TMEM132D: variants seen among roughly 807,000 people sequenced by gnomAD.
TMEM132D encodes the protein mature OL transmembrane protein.
A neutral mutation model predicts 62.3 loss-of-function variants in TMEM132D; 21 were observed. That is an observed-to-expected ratio of 0.34 (90% CI 0.24 to 0.49). TMEM132D has a LOEUF of 0.49. Among genes scored for constraint, TMEM132D ranks in the 20% least tolerant of loss-of-function variants. TMEM132D has a pLI of 0.99. For missense variants in TMEM132D, 1,346 were observed against 1,402.8 expected, an observed-to-expected ratio of 0.96 and a Z score of 0.65; for synonymous variants, 621 against 575.6, an observed-to-expected ratio of 1.08 and a Z score of -1.13.
intron 4 of TMEM132D, among the ~76,000 whole-genome samples, chr12:129,272,798 C>T (rs981105427): frequency 4.6e-5 from 7 of 151,722 alleles, no homozygotes; most frequent in African/African-American, 9.7e-5. Context: ...CGGCGGCTCA[C>T]GCCTGTAATC....
At chr12:129,380,161 TAAC>T (rs772650293) in intron 3 of TMEM132D, among the ~76,000 whole-genome samples, 4 of 152,182 alleles carry the variant, frequency 2.6e-5, no homozygotes, top group Admixed American at 2.0e-4. Context: ...AATATGGTAA[TAAC>T]AACATCCATT....
At chr12:129,511,169 G>T (rs1875487030) in intron 3 of TMEM132D, among the ~76,000 whole-genome samples, 1 of 152,096 alleles carries the variant, frequency 6.6e-6, no homozygotes, top group Admixed American at 6.5e-5. Flanking sequence ...GTTCTTTTGT[G>T]CACCTGTGAA....
At chr12:129,784,292 G>C (rs1381044383) in intron 1 of TMEM132D, among the ~76,000 whole-genome samples, 1 of 152,178 alleles carries the variant, frequency 6.6e-6, no homozygotes, top group Non-Finnish European at 1.5e-5. Context: ...GGAATGTTAA[G>C]TGCAAACTTA....
At chr12:129,171,632 A>G (rs1198124486) in intron 5 of TMEM132D, among the ~76,000 whole-genome samples, 1 of 152,328 alleles carries the variant, frequency 6.6e-6, no homozygotes, top group South Asian at 2.1e-4. Context: ...TGCAGAGTGG[A>G]TGTTGTGTTG....
At chr12:129,191,967 A>C (rs183395965) in intron 5 of TMEM132D, among the ~76,000 whole-genome samples, 5 of 152,340 alleles carry the variant, frequency 3.3e-5, no homozygotes, top group African/African-American at 9.6e-5. Context: ...AATCAGTTAC[A>C]AACATTTTAA....
chr12:129,746,522 G>C (rs1419878392), intron 1 of TMEM132D, among the ~76,000 whole-genome samples: 1 of 152,126 alleles, frequency 6.6e-6, no homozygotes, highest in East Asian at 1.9e-4. Flanking sequence ...TGTCAGGCGT[G>C]GGGGTGGCCA....
At chr12:129,372,046 A>C (rs1262346216) in intron 3 of TMEM132D, among the ~76,000 whole-genome samples, 1 of 152,194 alleles carries the variant, frequency 6.6e-6, no homozygotes, top group Non-Finnish European at 1.5e-5. Flanking sequence ...CTGTGAAGAT[A>C]TTTCTGGAAG....
At chr12:129,168,968 G>GC (rs1442813424) in intron 5 of TMEM132D, among the ~76,000 whole-genome samples, 3 of 152,176 alleles carry the variant, frequency 2.0e-5, no homozygotes, top group African/African-American at 7.2e-5. Flanking sequence ...AGGGACTAGA[G>GC]CCCTAGCTCT....
At chr12:129,166,211 G>T in intron 5 of TMEM132D, among the ~76,000 whole-genome samples, 1 of 152,174 alleles carries the variant, frequency 6.6e-6, no homozygotes, top group East Asian at 1.9e-4. Flanking sequence ...CTATGTAAAT[G>T]GATGCACCCG....
intron 1 of TMEM132D, among the ~76,000 whole-genome samples, chr12:129,770,143 GT>G (rs71082754): frequency 1.6e-4 from 21 of 128,124 alleles, no homozygotes; most frequent in African/African-American, 3.0e-4. Context: ...TTTTTTGGTT[GT>G]TTTTTTTTTT....
intron 3 of TMEM132D, among the ~76,000 whole-genome samples, chr12:129,424,034 C>T (rs1454922085): frequency 6.6e-6 from 1 of 152,012 alleles, no homozygotes; most frequent in East Asian, 1.9e-4. Flanking sequence ...AGCAAAGAAG[C>T]CTTTATTGTC....
chr12:129,428,962 C>A (rs1294166907), intron 3 of TMEM132D, among the ~76,000 whole-genome samples: 1 of 152,196 alleles, frequency 6.6e-6, no homozygotes, highest in Non-Finnish European at 1.5e-5. Context: ...TTGCACTAAG[C>A]AGTTTATACT....
Position 129,730,569 on chromosome 12 carries a change from A to G in TMEM132D, c.80-29871T>C, listed in dbSNP as rs79091914. Among the ~76,000 whole-genome samples the G allele has an allele frequency of 7.1e-3, 1,084 of 152,256 alleles. 17 individuals carry two copies. The highest frequency in any genetic ancestry group is 0.024 in the African/African-American group (1,017 of 41,540). On this transcript the variant is annotated intron_variant, in intron 1 of 8. Coordinates refer to ENST00000422113, the MANE Select transcript of TMEM132D (RefSeq NM_133448.3). ...ACACACTGATTGCATATCTTGGTTAATAATGAGCGTCAACTTGATTGAACT... is the reference window on the plus strand; with the variant it reads ...ACACACTGATTGCATATCTTGGTTAGTAATGAGCGTCAACTTGATTGAACT...
In TMEM132D at chr12:129,356,926, A is replaced by AGAGGAGAGGGGAGGG. The variant is rs1555250244; in HGVS notation, c.1116-19124_1116-19110dup. 3.7e-3 allele frequency among the ~76,000 whole-genome samples: 332 copies of AGAGGAGAGGGGAGGG among 89,766 alleles called. 2 individuals carry two copies. The highest frequency in any genetic ancestry group is 0.014 in the African/African-American group (308 of 21,490). The allele number at this position is 89,766 out of a possible 152,430, so 58.9% of individuals were successfully genotyped here. On this transcript the variant is annotated intron_variant, in intron 3 of 8. Transcript: ENST00000422113. The stretch of plus-strand genomic sequence containing the variant: ...AAAGGAAAGGTAAGGAAAGGAGAGG[A>AGAGGAGAGGGGAGGG]GAGGAGAGGGGAGGGGAGGGGAGGG...
intron 3 of TMEM132D, among the ~76,000 whole-genome samples, chr12:129,529,685 A>G (rs1233834892): frequency 6.6e-6 from 1 of 152,174 alleles, no homozygotes; most frequent in Non-Finnish European, 1.5e-5. Flanking sequence ...AAGAATAAAC[A>G]CATCTATTCA....
chr12:129,407,455 T>G, intron 3 of TMEM132D, among the ~76,000 whole-genome samples: 1 of 152,180 alleles, frequency 6.6e-6, no homozygotes, highest in South Asian at 2.1e-4. Flanking sequence ...CGTTATTTAT[T>G]TTATCAGAAC....
At chr12:129,306,341 T>A (rs756251928) in intron 4 of TMEM132D, among the ~76,000 whole-genome samples, 4 of 152,218 alleles carry the variant, frequency 2.6e-5, no homozygotes, top group Non-Finnish European at 5.9e-5. Context: ...AGTAGATAAG[T>A]TGGATAGCTA....
chr12:129,479,546 A>C (rs757451215), intron 3 of TMEM132D, among the ~76,000 whole-genome samples: 3 of 152,228 alleles, frequency 2.0e-5, no homozygotes, highest in Non-Finnish European at 2.9e-5. Flanking sequence ...AAATATGATA[A>C]AAACCAATGC....
intron 5 of TMEM132D, among the ~76,000 whole-genome samples, chr12:129,159,995 T>C (rs1395567951): frequency 3.3e-5 from 5 of 152,046 alleles, no homozygotes; most frequent in East Asian, 1.9e-4. Flanking sequence ...AGAGATGGGA[T>C]AGTAAAACTA....
Sources: allele counts gnomAD v4.1 joint callset (sites outside exome capture counted in the v4.1 genomes callset), GRCh38; gene constraint gnomAD v4.1.1; transcripts MANE v1.5; gene names NCBI Gene and HGNC (gene_info 2026-07-23, HGNC 2026-07-21).